The following PDCD4 variants were observed in gnomAD, a reference collection of about 807,000 sequenced individuals.
The protein encoded by PDCD4 is programmed cell death protein 4.
PDCD4 carries 56 observed loss-of-function variants against 54.0 expected under a neutral mutation model. The observed-to-expected ratio is 1.04, with a 90% confidence interval of 0.84 to 1.30. PDCD4 has a LOEUF of 1.30. Ranked by LOEUF, PDCD4 falls within the 50% of genes most tolerant of loss-of-function variation. The probability of loss-of-function intolerance (pLI) is 0.00; values close to 1 mark genes in which losing one functional copy is unlikely to be tolerated. For synonymous variants in PDCD4, 186 were observed against 194.8 expected (o/e 0.95, Z 0.37); for missense variants, 584 against 559.8 (o/e 1.04, Z -0.44).
At chr10:110,882,130 A>G (rs1845601856) in intron 3 of PDCD4, among the ~76,000 whole-genome samples, 1 of 152,228 alleles carries the variant, frequency 6.6e-6, no homozygotes, top group Non-Finnish European at 1.5e-5. Flanking sequence ...ACTTCAATTT[A>G]TAGCCTAGGT....
rs886553790 is a variant in PDCD4 at position 110,883,084 on chromosome 10, A to G, written c.428A>G (p.Tyr143Cys). Residue 143 changes from tyrosine to cysteine, a missense_variant, in exon 4 of 12, where the codon TAT (tyrosine) becomes TGT (cysteine). Physicochemically the swap from Tyr to Cys is radical, Grantham distance 194. Transcript: ENST00000280154. ...GAGGTGGATGTGAAAGATCCTAACT[A>G]TGATGATGACCAGGTATCAGTGCTT... ...VEEVDVKDPN[Y>C]DDDQENCVYE... The G allele has an allele frequency of 1.9e-6, 3 of 1,581,382 alleles. No homozygotes were observed. The highest frequency in any genetic ancestry group is 1.1e-5 in the South Asian group (1 of 87,312).
chr10:110,883,293 C>G (rs1845620015), intron 4 of PDCD4, among the ~76,000 whole-genome samples, 196 bp downstream of exon 4: 1 of 152,064 alleles, frequency 6.6e-6, no homozygotes, highest in South Asian at 2.1e-4. Flanking sequence ...TTTAGAAATT[C>G]ACTTAGGATT....
chr10:110,876,653 T>C, intron 2 of PDCD4: 1 of 826,594 alleles, frequency 1.2e-6, no homozygotes, highest in African/African-American at 1.8e-5. Context: ...ATAATTTTTA[T>C]ATTCTAAATT....
At chr10:110,876,920 C>A (rs1845513942) in intron 2 of PDCD4, among the ~76,000 whole-genome samples, 2 of 152,050 alleles carry the variant, frequency 1.3e-5, no homozygotes, top group African/African-American at 4.8e-5. Context: ...TATTTTCTGT[C>A]ATTTTAAGTG....
At position 110,898,100 on chromosome 10, in the gene PDCD4, C is replaced by G. The variant is rs1461423681; in HGVS notation, c.*12C>G. The G allele has an allele frequency of 6.6e-7, 1 of 1,504,084 alleles. No individual in the cohort carries two copies. Among genetic ancestry groups the G allele is most frequent in the Non-Finnish European group, 9.0e-7 (1 of 1,105,620 alleles). The allele number at this position is 1,504,084 out of a possible 1,614,324, so 93.2% of individuals were successfully genotyped here. ...CAGAGAGCTACTGAATATAAGAACTCTTGCAGTCTTAGATGTTATAAAAAT... is the reference window on the plus strand; with the variant it reads ...CAGAGAGCTACTGAATATAAGAACTGTTGCAGTCTTAGATGTTATAAAAAT... On this transcript the variant is annotated 3_prime_UTR_variant, in exon 12 of 12. Coordinates refer to ENST00000280154, the MANE Select transcript of PDCD4 (RefSeq NM_014456.5).
chr10:110,872,056 A>C (rs1404407957), intron 1 of PDCD4, 38 bp downstream of exon 1: 1 of 152,234 alleles, frequency 6.6e-6, no homozygotes, highest in Non-Finnish European at 1.5e-5. Flanking sequence ...GCTCGGGAAG[A>C]CTGCGCCCTC....
chr10:110,876,139 T>TGGA, intron 2 of PDCD4, 69 bp downstream of exon 2: 1 of 1,259,326 alleles, frequency 7.9e-7, no homozygotes, highest in East Asian at 2.4e-5. Context: ...TCACCCAGGC[T>TGGA]GGAGTGCAGT....
At chr10:110,895,834 T>TA (rs1490303550) in intron 10 of PDCD4, 114 bp from the exon 11 acceptor site, 8 of 729,532 alleles carry the variant, frequency 1.1e-5, no homozygotes, top group Non-Finnish European at 1.8e-5. Flanking sequence ...GACTTCAGTT[T>TA]AACCATTTGA....
At chr10:110,881,003 A>G (rs887425427) in intron 2 of PDCD4, among the ~76,000 whole-genome samples, 2 of 152,240 alleles carry the variant, frequency 1.3e-5, no homozygotes, top group African/African-American at 2.4e-5. Context: ...AGAAACAAAC[A>G]TGCTTTGTTA....
chr10:110,897,811 T>C (rs1314213613), intron 11 of PDCD4, among the ~76,000 whole-genome samples: 1 of 152,004 alleles, frequency 6.6e-6, no homozygotes, highest in African/African-American at 2.4e-5. Context: ...AGTGAACTTA[T>C]TAAAACAAAA....
At chr10:110,872,989 G>C (rs546299088) in intron 1 of PDCD4, among the ~76,000 whole-genome samples, 1 of 152,106 alleles carries the variant, frequency 6.6e-6, no homozygotes, top group East Asian at 1.9e-4. Context: ...AGGTGTCGGG[G>C]AAAAAAGGGT....
At chr10:110,879,344 C>T (rs558842935) in intron 2 of PDCD4, among the ~76,000 whole-genome samples, 15 of 152,218 alleles carry the variant, frequency 9.9e-5, no homozygotes, top group Admixed American at 4.6e-4. Context: ...GGGGCAAGAT[C>T]ATAAAGGACC....
intron 11 of PDCD4, among the ~76,000 whole-genome samples, chr10:110,897,587 T>C (rs1741673027): frequency 6.6e-6 from 1 of 152,234 alleles, no homozygotes; most frequent in Admixed American, 6.5e-5. Flanking sequence ...TTTTCTACAG[T>C]TGATAAAACA....
intron 2 of PDCD4, chr10:110,876,813 G>C: frequency 1.8e-6 from 1 of 556,824 alleles, no homozygotes; most frequent in Non-Finnish European, 3.0e-6. Flanking sequence ...CTCCCAAAAA[G>C]TTAATTAGAA....
intron 2 of PDCD4, among the ~76,000 whole-genome samples, chr10:110,880,045 C>T (rs1214298620): frequency 6.6e-6 from 1 of 152,114 alleles, no homozygotes; most frequent in Non-Finnish European, 1.5e-5. Context: ...CAATAATGAA[C>T]AAAACTGTGG....
intron 6 of PDCD4, 29 bp downstream of exon 6, chr10:110,887,915 C>T (rs757690030): frequency 1.4e-6 from 2 of 1,386,690 alleles, no homozygotes; most frequent in Middle Eastern, 1.8e-4. Flanking sequence ...TTTGTTCATT[C>T]CCTCCCACTA....
At chr10:110,882,194 T>A (rs775803605) in intron 3 of PDCD4, among the ~76,000 whole-genome samples, 1 of 152,250 alleles carries the variant, frequency 6.6e-6, no homozygotes, top group Non-Finnish European at 1.5e-5. Flanking sequence ...TAAATGCCTC[T>A]GCAATCATGT....
chr10:110,883,499 A>C (rs1057305742), intron 4 of PDCD4, among the ~76,000 whole-genome samples: 1 of 152,190 alleles, frequency 6.6e-6, no homozygotes, highest in Non-Finnish European at 1.5e-5. Context: ...ATAATGCTGA[A>C]AATGTAAATT....
At chr10:110,894,224 ATAATTAT>A (rs1379345010) in intron 9 of PDCD4, 26 bp downstream of exon 9, 3 of 1,282,620 alleles carry the variant, frequency 2.3e-6, no homozygotes, top group Admixed American at 3.4e-5. Context: ...CATGTCAAAG[ATAATTAT>A]TAAGTGTTCC....
Sources: allele counts gnomAD v4.1 joint callset (sites outside exome capture counted in the v4.1 genomes callset), GRCh38; gene constraint gnomAD v4.1.1; transcripts MANE v1.5; gene names NCBI Gene and HGNC (gene_info 2026-07-23, HGNC 2026-07-21).